Variants in MBNL2 observed in about 807,000 individuals in gnomAD.
The protein encoded by MBNL2 is muscleblind-like protein 2.
A neutral mutation model predicts 41.9 loss-of-function variants in MBNL2; 17 were observed. The observed-to-expected ratio is 0.41, with a 90% CI of 0.28 to 0.61. The LOEUF is 0.61. Ranked by LOEUF, MBNL2 falls within the 20% of genes least tolerant of loss-of-function variation. The probability of loss-of-function intolerance (pLI) is 0.35; values close to 1 mark genes in which losing one functional copy is unlikely to be tolerated. For synonymous variants in MBNL2, 195 were observed against 182.9 expected, an observed-to-expected ratio of 1.07 and a Z score of -0.53; for missense variants, 336 against 505.6, an observed-to-expected ratio of 0.66 and a Z score of 3.22.
chr13:97,348,257 A>G (rs9516914), intron 5 of MBNL2, among the ~76,000 whole-genome samples: 90,488 of 151,416 alleles, frequency 0.6, 29,824 homozygotes, highest in African/African-American at 0.9. Context: ...ACAGGGTCTC[A>G]CCATGTTGTC....
the MBNL2 span, among the ~76,000 whole-genome samples, chr13:97,202,039 T>A: frequency 1.3e-5 from 2 of 152,254 alleles, no homozygotes; most frequent in African/African-American, 4.8e-5. Context: ...TGGAGGCTTT[T>A]AATGAATTAT....
chr13:97,156,758 T>TCTGTTTTGGTACCAGTGCCATG, the MBNL2 span, among the ~76,000 whole-genome samples: 1 of 151,864 alleles, frequency 6.6e-6, no homozygotes, highest in Non-Finnish European at 1.5e-5. Flanking sequence ...GATCTATATC[T>TCTGTTTTGGTACCAGTGCCATG]CTGTTTTGGT....
the MBNL2 span, among the ~76,000 whole-genome samples, chr13:97,190,262 T>C: frequency 1.3e-5 from 2 of 152,212 alleles, no homozygotes; most frequent in South Asian, 4.1e-4. Context: ...AATAAATGTT[T>C]AAGAAGAAAT....
intron 1 of MBNL2, among the ~76,000 whole-genome samples, chr13:97,234,450 G>A (rs1020312768): frequency 5.9e-5 from 9 of 152,156 alleles, no homozygotes; most frequent in African/African-American, 2.2e-4. Context: ...AGAAAGAGGT[G>A]GGGCTCTTTA....
intron 2 of MBNL2, among the ~76,000 whole-genome samples, chr13:97,311,630 C>T (rs551224502): frequency 2.0e-5 from 3 of 149,802 alleles, no homozygotes; most frequent in South Asian, 2.1e-4. Context: ...CTTGAGATAG[C>T]GTTGGATTTT....
chr13:97,250,207 T>G (rs2046256839), intron 1 of MBNL2, among the ~76,000 whole-genome samples: 3 of 152,242 alleles, frequency 2.0e-5, no homozygotes, highest in Admixed American at 6.5e-5. Flanking sequence ...AGCAGTTTAA[T>G]CTCTTTTCCA....
upstream of MBNL2, among the ~76,000 whole-genome samples, chr13:97,220,064 G>A (rs1017992666): frequency 1.3e-5 from 2 of 152,190 alleles, no homozygotes; most frequent in Non-Finnish European, 2.9e-5. Context: ...CATGCAGTTG[G>A]ATGAATATGA....
intron 1 of MBNL2, among the ~76,000 whole-genome samples, chr13:97,233,717 C>G (rs1029702085): frequency 6.6e-6 from 1 of 151,054 alleles, no homozygotes; most frequent in African/African-American, 2.4e-5. Context: ...AAGTAGGCTG[C>G]AATTAAGAGT....
At chr13:97,329,844 C>G (rs889787828) in intron 2 of MBNL2, among the ~76,000 whole-genome samples, 8 of 127,256 alleles carry the variant, frequency 6.3e-5, no homozygotes, top group Non-Finnish European at 1.3e-4. Context: ...CACACACACA[C>G]ACACTTTGAC....
At chr13:97,242,098 C>T (rs1251526879) in intron 1 of MBNL2, among the ~76,000 whole-genome samples, 2 of 152,110 alleles carry the variant, frequency 1.3e-5, no homozygotes, top group African/African-American at 2.4e-5. Flanking sequence ...TCCCTCAACC[C>T]TGGGCTAGCT....
At chr13:97,211,544 GAGA>G in the MBNL2 span, among the ~76,000 whole-genome samples, 1 of 152,344 alleles carries the variant, frequency 6.6e-6, no homozygotes, top group South Asian at 2.1e-4. Context: ...TCTAAATGCA[GAGA>G]TCTATAAAGC....
intron 5 of MBNL2, among the ~76,000 whole-genome samples, chr13:97,347,898 A>ACAT (rs1247079340): frequency 6.6e-6 from 1 of 152,104 alleles, no homozygotes; most frequent in Non-Finnish European, 1.5e-5. Flanking sequence ...AAGTTGTAAA[A>ACAT]CATCTCCCAG....
At chr13:97,345,583 G>A (rs147967604) in intron 4 of MBNL2, among the ~76,000 whole-genome samples, 83 of 151,902 alleles carry the variant, frequency 5.5e-4, no homozygotes, top group African/African-American at 1.8e-3. Context: ...ATCTCTTGCC[G>A]TATTTCTCTC....
the MBNL2 span, among the ~76,000 whole-genome samples, chr13:97,169,767 T>C: frequency 1.3e-5 from 2 of 152,206 alleles, no homozygotes; most frequent in Non-Finnish European, 2.9e-5. Flanking sequence ...TTGTCTAATA[T>C]GTATGCTTAA....
intron 1 of MBNL2, among the ~76,000 whole-genome samples, chr13:97,253,198 C>A (rs1323134532): frequency 1.3e-5 from 2 of 152,152 alleles, no homozygotes; most frequent in African/African-American, 4.8e-5. Context: ...TTGATATATA[C>A]ATTTAAAATA....
At chr13:97,267,836 C>A (rs2050119283) in intron 1 of MBNL2, among the ~76,000 whole-genome samples, 1 of 152,186 alleles carries the variant, frequency 6.6e-6, no homozygotes. Flanking sequence ...CTAGGGAAAT[C>A]AGTGAACTCA....
At chr13:97,281,817 G>A (rs74109430) in intron 2 of MBNL2, among the ~76,000 whole-genome samples, 5,578 of 152,200 alleles carry the variant, frequency 0.037, 315 homozygotes, top group African/African-American at 0.12. Context: ...ACATGATTAA[G>A]TCACCCTTAT....
intron 2 of MBNL2, among the ~76,000 whole-genome samples, chr13:97,300,610 C>A (rs2057522243): frequency 6.6e-6 from 1 of 152,188 alleles, no homozygotes; most frequent in Non-Finnish European, 1.5e-5. Context: ...CGTAATACCT[C>A]CATGAAGCCC....
intron 1 of MBNL2, among the ~76,000 whole-genome samples, chr13:97,267,815 T>TA (rs1352831496): frequency 2.6e-5 from 4 of 152,220 alleles, no homozygotes; most frequent in African/African-American, 4.8e-5. Context: ...CCAGCACTCT[T>TA]ACAATTGTTT....
Sources: gnomAD v4.1 joint callset for allele counts (sites outside exome capture counted in the v4.1 genomes callset) on GRCh38, gnomAD v4.1.1 for gene constraint, MANE v1.5 for transcripts, NCBI Gene and HGNC (gene_info 2026-07-23, HGNC 2026-07-21) for gene names.